PHKB: variants seen among roughly 807,000 people sequenced by gnomAD.
PHKB encodes phosphorylase b kinase regulatory subunit beta.
Under a neutral mutation model 152.1 loss-of-function variants are expected in PHKB, and 122 were observed. That is an observed-to-expected ratio of 0.80 (90% CI 0.69 to 0.93). The LOEUF is 0.93. Ranked by LOEUF, PHKB falls within the 40% of genes least tolerant of loss-of-function variation. The pLI is 0.00. For synonymous variants in PHKB, 436 were observed against 464.9 expected (o/e 0.94, Z 0.80); for missense variants, 1,304 against 1,328.4 (o/e 0.98, Z 0.29).
intron 14 of PHKB, among the ~76,000 whole-genome samples, chr16:47,622,478 G>C (rs1293162487): frequency 6.6e-6 from 1 of 152,074 alleles, no homozygotes; most frequent in Non-Finnish European, 1.5e-5. Context: ...TATTTTTGCT[G>C]TCATGCAGGT....
intron 13 of PHKB, among the ~76,000 whole-genome samples, chr16:47,607,384 A>G (rs2151707483): frequency 6.6e-6 from 1 of 152,200 alleles, no homozygotes; most frequent in East Asian, 1.9e-4. Flanking sequence ...CCTACTCTCT[A>G]ATTCTATAGA....
chr16:47,561,705 A>G (rs1056175070), intron 7 of PHKB: 1 of 152,218 alleles, frequency 6.6e-6, no homozygotes, highest in Non-Finnish European at 1.5e-5. Context: ...CTGGATAGCA[A>G]TTATTTTCTC....
intron 7 of PHKB, among the ~76,000 whole-genome samples, chr16:47,551,160 C>T (rs992296309): frequency 6.6e-6 from 1 of 152,104 alleles, no homozygotes; most frequent in Non-Finnish European, 1.5e-5. Flanking sequence ...TTTCAAAAAA[C>T]CAGCTCTTGG....
intron 3 of PHKB, among the ~76,000 whole-genome samples, chr16:47,502,340 A>G (rs1376494267): frequency 6.6e-6 from 1 of 152,200 alleles, no homozygotes; most frequent in African/African-American, 2.4e-5. Context: ...GGTTAATCTA[A>G]CTATTAAACT....
intron 10 of PHKB, among the ~76,000 whole-genome samples, chr16:47,589,437 A>G (rs1011048984): frequency 2.0e-5 from 3 of 152,170 alleles, no homozygotes; most frequent in African/African-American, 7.2e-5. Context: ...TAATTTTTCT[A>G]TTGCATTTTC....
intron 6 of PHKB, among the ~76,000 whole-genome samples, chr16:47,542,587 G>A (rs1175877850): frequency 6.6e-6 from 1 of 152,110 alleles, no homozygotes; most frequent in African/African-American, 2.4e-5. Context: ...GAATTACCTT[G>A]GGCAGTATGG....
chr16:47,686,950 G>T (rs1381388419), intron 26 of PHKB, among the ~76,000 whole-genome samples: 1 of 151,940 alleles, frequency 6.6e-6, no homozygotes, highest in Non-Finnish European at 1.5e-5. Context: ...GGTTATCCCC[G>T]AAATGACTTT....
chr16:47,491,499 A>G (rs531647437), intron 1 of PHKB, among the ~76,000 whole-genome samples: 31 of 152,324 alleles, frequency 2.0e-4, no homozygotes, highest in African/African-American at 7.2e-4. Context: ...GTGAACTAAA[A>G]GGTACCATAG....
At position 47,653,513 on chromosome 16, in the gene PHKB, A is replaced by G. The variant is rs371220496; in HGVS notation, c.1971+2592A>G. 1.3e-4 allele frequency among the ~76,000 whole-genome samples: 20 copies of G among 152,216 alleles called. No homozygotes were observed. In the South Asian group the frequency reaches 4.2e-3, roughly 32 times the overall value. On this transcript the variant is annotated intron_variant, in intron 20 of 30. Coordinates refer to ENST00000323584, the MANE Select transcript of PHKB (RefSeq NM_000293.3). ...GCTCTTTCCTGTTCTCTTTGTCCTA[A>G]TGGATTTATACCTTAGTGGGTTTAT...
chr16:47,467,459 T>G (rs1969688066), intron 1 of PHKB, among the ~76,000 whole-genome samples: 1 of 152,206 alleles, frequency 6.6e-6, no homozygotes, highest in Non-Finnish European at 1.5e-5. Context: ...CCTATTAGAT[T>G]GCAGGTAGAG....
chr16:47,465,812 CT>C (rs1969658794), intron 1 of PHKB, among the ~76,000 whole-genome samples: 1 of 152,062 alleles, frequency 6.6e-6, no homozygotes, highest in Admixed American at 6.6e-5. Context: ...TTGCTTTCCC[CT>C]ATTGTAGTTC....
chr16:47,667,985 C>T (rs916755476), intron 25 of PHKB, among the ~76,000 whole-genome samples: 3 of 152,310 alleles, frequency 2.0e-5, no homozygotes, highest in South Asian at 2.1e-4. Flanking sequence ...GGGCAAGACT[C>T]GGAGGCCAGT....
intron 26 of PHKB, among the ~76,000 whole-genome samples, chr16:47,674,996 T>C (rs1567351378): frequency 6.6e-6 from 1 of 152,230 alleles, no homozygotes; most frequent in Non-Finnish European, 1.5e-5. Context: ...AGTGACTATC[T>C]CAGGCAAATG....
At chr16:47,620,216 G>A (rs1278407633) in intron 14 of PHKB, among the ~76,000 whole-genome samples, 2 of 152,036 alleles carry the variant, frequency 1.3e-5, no homozygotes, top group Non-Finnish European at 2.9e-5. Context: ...GTCAAAGGAA[G>A]AATTATAGAA....
chr16:47,478,024 C>T (rs1969898748), intron 1 of PHKB, among the ~76,000 whole-genome samples: 1 of 152,018 alleles, frequency 6.6e-6, no homozygotes, highest in Non-Finnish European at 1.5e-5. Flanking sequence ...GAAAAGCTTC[C>T]TAAATCTTGC....
chr16:47,644,210 T>A (rs1225532332), intron 16 of PHKB, among the ~76,000 whole-genome samples: 3 of 152,216 alleles, frequency 2.0e-5, no homozygotes, highest in African/African-American at 7.2e-5. Context: ...CATCTAGTGT[T>A]ATGTGCTATG....
intron 1 of PHKB, among the ~76,000 whole-genome samples, chr16:47,477,607 TATAAC>T (rs1428459822): frequency 6.6e-6 from 1 of 152,164 alleles, no homozygotes; most frequent in Non-Finnish European, 1.5e-5. Flanking sequence ...ATGTAATAAA[TATAAC>T]AAAATACTGA....
chr16:47,651,568 A>G (rs1390330037), intron 20 of PHKB, among the ~76,000 whole-genome samples: 1 of 152,144 alleles, frequency 6.6e-6, no homozygotes, highest in African/African-American at 2.4e-5. Flanking sequence ...CAGACCACAA[A>G]TATACTTCTA....
rs745535097 is a variant in PHKB at position 47,497,539 on chromosome 16, C to A, written c.166+51C>A. 5 of 1,037,884 alleles carry A rather than the reference C, an allele frequency of 4.8e-6. No individual in the cohort carries two copies. The East Asian group carries it at 9.5e-5, about 20-fold the overall frequency. The allele number at this position is 1,037,884 out of a possible 1,614,324, so 64.3% of individuals were successfully genotyped here. On this transcript the variant is annotated intron_variant, in intron 2 of 30. Coordinates refer to ENST00000323584, the MANE Select transcript of PHKB (RefSeq NM_000293.3). ...TCCTTAGGTATCTGCGATTAGTATT[C>A]CCCTTGCCCTAGTTAAATTATGTAC... is the stretch of plus-strand genomic sequence containing the variant.
Sources: allele counts gnomAD v4.1 joint callset (sites outside exome capture counted in the v4.1 genomes callset), GRCh38; gene constraint gnomAD v4.1.1; transcripts MANE v1.5; gene names NCBI Gene and HGNC (gene_info 2026-07-23, HGNC 2026-07-21).